CADPS2: variants seen among roughly 807,000 people sequenced by gnomAD.
The protein encoded by CADPS2 is calcium dependent secretion activator 2, also known as calcium-dependent secretion activator 2.
Under a neutral mutation model 172.5 loss-of-function variants are expected in CADPS2, and 93 were observed. The observed-to-expected ratio is 0.54, with a 90% CI of 0.46 to 0.64. The LOEUF (loss-of-function observed/expected upper bound fraction) is 0.64. CADPS2 is among the 30% of genes least tolerant of loss of function. The probability of loss-of-function intolerance (pLI) is 0.00; values close to 1 mark genes in which losing one functional copy is unlikely to be tolerated. For synonymous variants in CADPS2, 546 were observed against 555.2 expected, an observed-to-expected ratio of 0.98 and a Z score of 0.23; for missense variants, 1,420 against 1,565.9, an observed-to-expected ratio of 0.91 and a Z score of 1.57.
At chr7:122,806,541 CAAATTGACAATCAG>C (rs1289657660) in intron 1 of CADPS2, among the ~76,000 whole-genome samples, 1 of 152,204 alleles carries the variant, frequency 6.6e-6, no homozygotes, top group Non-Finnish European at 1.5e-5. Context: ...GTCTAAAAAA[CAAATTGACAATCAG>C]AGTCCTGCCA....
In CADPS2 at chr7:122,438,348, T is replaced by G. The variant is rs2050918802; in HGVS notation, c.2469A>C (p.Lys823Asn). The change falls in exon 17 of 30, where the codon AAA (lysine) becomes AAC (asparagine). Residue 823 changes from lysine (K) to asparagine (N), a missense_variant. Transcript: ENST00000449022. ...INYTRLTEYA[K>N]IEETMNQASP... ...ATTGCTCACTGCACTGACCTTCTAT[T>G]TTGGCATATTCTGTGAGTCTAGTGT... The G allele has an allele frequency of 4.3e-6, 7 of 1,612,822 alleles. No homozygotes were observed. The highest frequency in any genetic ancestry group is 5.9e-6 in the Non-Finnish European group (7 of 1,179,166).
At chr7:122,607,487 ACT>A (rs2073731133) in intron 6 of CADPS2, among the ~76,000 whole-genome samples, 1 of 152,156 alleles carries the variant, frequency 6.6e-6, no homozygotes, top group Admixed American at 6.5e-5. Context: ...TTCCGAAAAA[ACT>A]GTCACAGTAT....
chr7:122,409,541 A>AGT (rs2047051197), intron 19 of CADPS2: 2 of 372,984 alleles, frequency 5.4e-6, no homozygotes, highest in Admixed American at 5.4e-5. Flanking sequence ...GTTTTGCAGA[A>AGT]GTATATATTT....
intron 3 of CADPS2, among the ~76,000 whole-genome samples, chr7:122,649,948 A>G (rs2078977690): frequency 9.5e-6 from 1 of 105,102 alleles, no homozygotes; most frequent in South Asian, 3.1e-4. Context: ...CACTTTGTCC[A>G]GCGCAGGCTG....
chr7:122,865,485 A>C (rs1270110009), intron 1 of CADPS2, among the ~76,000 whole-genome samples: 1 of 152,220 alleles, frequency 6.6e-6, no homozygotes, highest in Non-Finnish European at 1.5e-5. Flanking sequence ...ATTCTAAGCC[A>C]ATTCTTGCTC....
chr7:122,353,429 G>A (rs10247904), intron 27 of CADPS2, among the ~76,000 whole-genome samples: 40,141 of 151,782 alleles, frequency 0.26, 5,820 homozygotes, highest in African/African-American at 0.37. Flanking sequence ...GCATCAGTAC[G>A]ATTAAGCCAA....
chr7:122,387,995 T>C (rs2043895352), intron 23 of CADPS2, among the ~76,000 whole-genome samples: 2 of 152,042 alleles, frequency 1.3e-5, no homozygotes, highest in Admixed American at 1.3e-4. Context: ...GGGAAAAAAA[T>C]GCTTGACCAA....
intron 8 of CADPS2, among the ~76,000 whole-genome samples, chr7:122,525,757 G>A (rs2061176218): frequency 1.3e-5 from 2 of 152,090 alleles, no homozygotes; most frequent in Admixed American, 6.6e-5. Flanking sequence ...TGGACCATAC[G>A]GTTGAGTTAT....
Position 122,378,965 on chromosome 7 carries a change from C to A in CADPS2, c.3387+403G>T, listed in dbSNP as rs551331060. On this transcript the variant is annotated intron_variant, in intron 25 of 29. Coordinates refer to ENST00000449022, the MANE Select transcript of CADPS2 (RefSeq NM_017954.11). ...GTGGAGGACCTCAGATGTCACCCTG[C>A]AGCTTTCTCTGTCTCTGAGAACAGA... is the stretch of plus-strand genomic sequence containing the variant. 40 of 155,224 alleles carry A rather than the reference C, an allele frequency of 2.6e-4. No individual in the cohort carries two copies. The South Asian group carries it at 7.7e-3, about 30-fold the overall frequency. 9.6% of individuals were successfully genotyped at this position (155,224 alleles called of 1,614,324 possible). A position where few individuals can be genotyped will look rare whatever the true frequency, so the allele number is the denominator to read the frequency against.
At chr7:122,459,637 AG>A (rs1448858926) in intron 14 of CADPS2, among the ~76,000 whole-genome samples, 1 of 152,208 alleles carries the variant, frequency 6.6e-6, no homozygotes, top group Non-Finnish European at 1.5e-5. Flanking sequence ...CTGATTATGT[AG>A]GGCCTTTATC....
At chr7:122,635,574 C>T (rs189498362) in intron 3 of CADPS2, among the ~76,000 whole-genome samples, 1 of 152,192 alleles carries the variant, frequency 6.6e-6, no homozygotes, top group Admixed American at 6.5e-5. Context: ...ATGATGATTT[C>T]CATTTTCATC....
chr7:122,468,656 CTG>C (rs2055490332), intron 14 of CADPS2, among the ~76,000 whole-genome samples: 1 of 152,128 alleles, frequency 6.6e-6, no homozygotes, highest in Non-Finnish European at 1.5e-5. Context: ...TATGACAACT[CTG>C]AGTTTCAGAA....
chr7:122,783,564 T>C (rs1793312825), intron 1 of CADPS2, among the ~76,000 whole-genome samples: 1 of 152,130 alleles, frequency 6.6e-6, no homozygotes, highest in African/African-American at 2.4e-5. Context: ...GATATTCTGT[T>C]TTGCCAGTCC....
At chr7:122,360,849 G>A (rs2040031538) in intron 26 of CADPS2, 29 bp from the exon 27 acceptor site, 3 of 1,581,994 alleles carry the variant, frequency 1.9e-6, no homozygotes, top group African/African-American at 1.3e-5. Flanking sequence ...AGATAATCAT[G>A]AGAATTATTT....
intron 29 of CADPS2, among the ~76,000 whole-genome samples, 186 bp from the exon 30 acceptor site, chr7:122,320,524 C>CT (rs899402970): frequency 6.6e-6 from 1 of 152,146 alleles, no homozygotes; most frequent in African/African-American, 2.4e-5. Flanking sequence ...CTGGCTATTG[C>CT]TTCAAACTAC....
intron 4 of CADPS2, among the ~76,000 whole-genome samples, chr7:122,624,769 C>T (rs1221912399): frequency 6.6e-6 from 1 of 152,182 alleles, no homozygotes; most frequent in Non-Finnish European, 1.5e-5. Context: ...ATGTAAGACT[C>T]AGTCATTTGA....
chr7:122,631,341 T>A (rs890957746), intron 3 of CADPS2, among the ~76,000 whole-genome samples: 3 of 152,234 alleles, frequency 2.0e-5, no homozygotes, highest in African/African-American at 7.2e-5. Context: ...TATTTTTGTA[T>A]CTATATCTCC....
intron 8 of CADPS2, among the ~76,000 whole-genome samples, chr7:122,536,829 C>T (rs1206067991): frequency 6.6e-6 from 1 of 152,088 alleles, no homozygotes; most frequent in Admixed American, 6.6e-5. Context: ...CCTAAGCTCT[C>T]AAGCTACCTT....
At chr7:122,558,157 G>C (rs2065265388) in intron 7 of CADPS2, among the ~76,000 whole-genome samples, 1 of 151,924 alleles carries the variant, frequency 6.6e-6, no homozygotes, top group Non-Finnish European at 1.5e-5. Flanking sequence ...ATATCAACAA[G>C]GTATTTTGTT....
Sources: gnomAD v4.1 joint callset for allele counts (sites outside exome capture counted in the v4.1 genomes callset) on GRCh38, gnomAD v4.1.1 for gene constraint, MANE v1.5 for transcripts, NCBI Gene and HGNC (gene_info 2026-07-23, HGNC 2026-07-21) for gene names.